C11orf21: variants seen among roughly 807,000 people sequenced by gnomAD.
C11orf21 encodes the protein uncharacterized protein C11orf21.
Under a neutral mutation model 15.2 loss-of-function variants are expected in C11orf21, and 19 were observed. That is an observed-to-expected ratio of 1.25 (90% CI 0.87 to 1.84). The LOEUF (loss-of-function observed/expected upper bound fraction) is 1.84. Among genes scored for constraint, C11orf21 ranks in the 40% most tolerant of loss-of-function variants. The probability of loss-of-function intolerance (pLI) is 0.00; values close to 1 mark genes in which losing one functional copy is unlikely to be tolerated. For synonymous variants in C11orf21, 62 were observed against 66.8 expected (o/e 0.93, Z 0.35); for missense variants, 171 against 174.4 (o/e 0.98, Z 0.11).
At chr11:2,298,173 C>T (rs1847573577) in intron 3 of C11orf21, among the ~76,000 whole-genome samples, 1 of 152,206 alleles carries the variant, frequency 6.6e-6, no homozygotes, top group Non-Finnish European at 1.5e-5. Context: ...TCACCATATT[C>T]CTCATGCTGC....
chr11:2,298,530 A>G (rs773632157), intron 3 of C11orf21, among the ~76,000 whole-genome samples: 7 of 152,190 alleles, frequency 4.6e-5, no homozygotes, highest in Non-Finnish European at 8.8e-5. Context: ...TTTTTCTGCC[A>G]GCGGGACCTT....
chr11:2,301,025 A>G, intron 1 of C11orf21: 1 of 517,062 alleles, frequency 1.9e-6, no homozygotes, highest in Non-Finnish European at 3.5e-6. Flanking sequence ...CCAGAGCTGC[A>G]GAGGGTGCTG....
At chr11:2,302,500 C>T (rs1480205275), upstream of C11orf21, among the ~76,000 whole-genome samples, 2 of 152,052 alleles carry the variant, frequency 1.3e-5, no homozygotes, top group East Asian at 3.9e-4. Context: ...CACTGGCTGC[C>T]GGGCTCCAGG....
chr11:2,298,573 G>T (rs1003494466), intron 3 of C11orf21, among the ~76,000 whole-genome samples: 25 of 152,152 alleles, frequency 1.6e-4, no homozygotes, highest in Admixed American at 1.2e-3. Context: ...GGCCCGGGGG[G>T]TCACTCTGAA....
At chr11:2,302,409 G>A (rs2234292), upstream of C11orf21, among the ~76,000 whole-genome samples, 494 of 152,328 alleles carry the variant, frequency 3.2e-3, 2 homozygotes, top group African/African-American at 0.011. Context: ...GAGCAACCCC[G>A]TCTCTCCTCC....
At chr11:2,300,891 C>G in intron 1 of C11orf21, 1 of 855,676 alleles carries the variant, frequency 1.2e-6, no homozygotes, top group South Asian at 1.6e-5. Flanking sequence ...GTTGCCACCC[C>G]TACATTCATA....
chr11:2,299,416 C>G lies in C11orf21; in HGVS notation c.*28+12G>C. ...GGCCCCCAGGCTCCAGCCTCAGAGCCCGGCTGCTCACCTCTGATGGACAGA... is the reference window on the plus strand; with the variant it reads ...GGCCCCCAGGCTCCAGCCTCAGAGCGCGGCTGCTCACCTCTGATGGACAGA... On this transcript the variant is annotated intron_variant, in intron 3 of 3. Transcript: ENST00000381153. 4 of 1,544,100 alleles carry G rather than the reference C, an allele frequency of 2.6e-6. No homozygotes were observed. Among genetic ancestry groups the G allele is most frequent in the Non-Finnish European group, 3.5e-6 (4 of 1,143,004 alleles).
upstream of C11orf21, chr11:2,301,973 C>T: frequency 6.7e-7 from 1 of 1,487,120 alleles, no homozygotes; most frequent in Non-Finnish European, 8.9e-7. Context: ...CCTCCCCTTC[C>T]TGCCTGCCCT....
upstream of C11orf21, chr11:2,302,049 A>G: frequency 6.7e-7 from 1 of 1,497,300 alleles, no homozygotes; most frequent in Non-Finnish European, 8.9e-7. Flanking sequence ...GGGCGGATGC[A>G]GCCTACCTCC....
upstream of C11orf21, chr11:2,303,109 G>T (rs1847861725): frequency 4.5e-6 from 3 of 667,124 alleles, no homozygotes; most frequent in East Asian, 2.8e-5. Context: ...CTGCCCTGGA[G>T]TCCTAGCTCC....
intron 1 of C11orf21, chr11:2,300,885 C>T: frequency 1.1e-6 from 1 of 906,654 alleles, no homozygotes; most frequent in Non-Finnish European, 1.7e-6. Context: ...ACTCTTGTTG[C>T]CACCCCTACA....
rs760212730 is a variant in C11orf21 at position 2,300,523 on chromosome 11, G to A, written c.144C>T (p.Asp48=). 8.4e-6 allele frequency: 13 copies of A among 1,547,138 alleles called. No homozygotes were observed. The African/African-American group carries it at 1.6e-4, about 20-fold the overall frequency. The stretch of plus-strand genomic sequence containing the variant: ...GTGAGGGGGGCTGTGGTCAGACCTG[G>A]TCTCTGGAGGGCCAGCCGGGGGTTC... ...WTGTPGWPSR[D]QEAPGSMMPP... is the part of the protein sequence containing the mutation. The change falls in exon 2 of 4, where the codon GAC becomes GAT. Residue 48 remains aspartate (D), a synonymous_variant. Transcript: ENST00000381153.
chr11:2,302,008 G>T, upstream of C11orf21: 1 of 1,490,162 alleles, frequency 6.7e-7, no homozygotes, highest in Non-Finnish European at 8.9e-7. Context: ...CAGCAGCTCG[G>T]TCCTAGGGCG....
chr11:2,298,073 C>A (rs4929975), intron 3 of C11orf21, among the ~76,000 whole-genome samples, 152 bp from the exon 4 acceptor site: 2 of 152,066 alleles, frequency 1.3e-5, no homozygotes, highest in African/African-American at 4.8e-5. Flanking sequence ...TATCTCATTG[C>A]GGGGCAGGGC....
chr11:2,302,273 T>G (rs1847796884), upstream of C11orf21: 5,399 of 1,062,508 alleles, frequency 5.1e-3, no homozygotes, highest in Non-Finnish European at 5.9e-3. Flanking sequence ...GGGTGAGGGG[T>G]GGCAGGGCCT....
rs1195509909 is a variant in C11orf21, at chr11:2,296,702, G to A, written c.*1248C>T. 2.0e-5 allele frequency: 3 copies of A among 152,272 alleles called. No individual in the cohort carries two copies. The highest frequency in any genetic ancestry group is 1.9e-4 in the East Asian group (1 of 5,190). 9.4% of individuals were successfully genotyped at this position (152,272 alleles called of 1,614,324 possible). ...AGCTCCCGTGGCACCGTGAGCCACC[G>A]GCCAAGGCCACAGGGCTCCATGGGC... On this transcript the variant is annotated 3_prime_UTR_variant, in exon 4 of 4. Transcript: ENST00000381153. This position sits in a 1 kb window ranked among gnomAD's most constrained non-coding sequence, Gnocchi z 5.6.
At chr11:2,298,359 G>C (rs1040696071) in intron 3 of C11orf21, among the ~76,000 whole-genome samples, 1 of 152,230 alleles carries the variant, frequency 6.6e-6, no homozygotes, top group African/African-American at 2.4e-5. Context: ...CTTTAAAGGT[G>C]TCAGGAGCTC....
chr11:2,302,794 G>C, upstream of C11orf21: 5 of 1,527,418 alleles, frequency 3.3e-6, no homozygotes, highest in East Asian at 1.1e-4. Context: ...CGAGCTCCCT[G>C]CTCCTGCAGC....
At position 2,300,571 on chromosome 11, in the gene C11orf21, GACGCC is replaced by G; in HGVS notation, c.91_95del (p.Gly31ArgfsTer4). 6.5e-7 allele frequency: 1 copy of G among 1,549,968 alleles called. No individual in the cohort carries two copies. The highest frequency in any genetic ancestry group is 8.7e-7 in the Non-Finnish European group (1 of 1,146,676). Reference sequence around the variant, plus strand: ...TTCCCGTCCACCTGTCAGGGGGTTCGACGCCACTTTGAGATGACAAGTGAGGCCAC... The same window carrying G: ...TTCCCGTCCACCTGTCAGGGGGTTCGACTTTGAGATGACAAGTGAGGCCAC... On this transcript the variant is annotated frameshift_variant, in exon 2 of 4. Coordinates refer to ENST00000381153, the MANE Select transcript of C11orf21 (RefSeq NM_001329958.2). LOFTEE classifies it high-confidence loss of function.
Sources: allele counts gnomAD v4.1 joint callset (sites outside exome capture counted in the v4.1 genomes callset), GRCh38; gene constraint gnomAD v4.1.1; non-coding constraint Gnocchi (gnomAD v3.1); transcripts MANE v1.5; gene names NCBI Gene and HGNC (gene_info 2026-07-23, HGNC 2026-07-21).